The following CD36 variants were observed in gnomAD, a reference collection of about 807,000 sequenced individuals.
CD36 encodes the protein platelet glycoprotein 4.
In CD36, 119 loss-of-function variants were observed where a neutral mutation model predicts 55.2. That is an observed-to-expected ratio of 2.15 (90% CI 1.86 to 2.51). The LOEUF (loss-of-function observed/expected upper bound fraction) is 2.51. Among genes scored for constraint, CD36 ranks in the 30% most tolerant of loss-of-function variants. The pLI, the probability that CD36 is intolerant of heterozygous loss-of-function variation, is 0.00. For synonymous variants in CD36, 186 were observed against 193.6 expected, an observed-to-expected ratio of 0.96 and a Z score of 0.33; for missense variants, 819 against 555.5, an observed-to-expected ratio of 1.47 and a Z score of -4.77.
In CD36 at chr7:80,678,425, A is replaced by G. The variant is rs1186355649; in HGVS notation, c.*2042A>G. On this transcript the variant is annotated 3_prime_UTR_variant, in exon 15 of 15. Transcript: ENST00000447544. ...ACAGCATCGGAAAATAGGTTAATGC[A>G]TATTGCTTCTAACAAGTGCATGAAG... is the stretch of plus-strand genomic sequence containing the variant. 1 of 152,224 alleles carries G rather than the reference A, an allele frequency of 6.6e-6. No homozygotes were observed. Among genetic ancestry groups the G allele is most frequent in the Non-Finnish European group, 1.5e-5 (1 of 68,038 alleles). The allele number at this position is 152,224 out of a possible 1,614,324, so 9.4% of individuals were successfully genotyped here.
chr7:80,617,353 C>A (rs184367784), intron 1 of CD36, among the ~76,000 whole-genome samples: 1 of 151,746 alleles, frequency 6.6e-6, no homozygotes, highest in East Asian at 1.9e-4. Context: ...ATGTAACAAA[C>A]CTGCATGTGT....
chr7:80,625,561 T>C (rs1462937665), intron 1 of CD36, among the ~76,000 whole-genome samples: 3 of 152,128 alleles, frequency 2.0e-5, no homozygotes, highest in African/African-American at 4.8e-5. Flanking sequence ...TCTGTGCAAT[T>C]CTATTTGTCA....
intron 8 of CD36, among the ~76,000 whole-genome samples, chr7:80,669,059 G>A (rs1373842315): frequency 6.6e-6 from 1 of 152,096 alleles, no homozygotes; most frequent in Non-Finnish European, 1.5e-5. Flanking sequence ...CAGCCATTAG[G>A]ACAAATGAGA....
chr7:80,605,633 A>T (rs1249645487), intron 1 of CD36, among the ~76,000 whole-genome samples: 1 of 152,176 alleles, frequency 6.6e-6, no homozygotes, highest in Admixed American at 6.5e-5. Flanking sequence ...ACTTCACACA[A>T]CATAGGAAGC....
intron 4 of CD36, 127 bp from the exon 5 acceptor site, chr7:80,660,936 T>C (rs1796465465): frequency 2.6e-6 from 2 of 761,702 alleles, no homozygotes; most frequent in Admixed American, 2.0e-5. Flanking sequence ...TTTAACACCA[T>C]TGCTTACATA....
intron 1 of CD36, among the ~76,000 whole-genome samples, chr7:80,620,044 T>A (rs1300246577): frequency 1.3e-5 from 2 of 152,038 alleles, no homozygotes; most frequent in Middle Eastern, 3.2e-3. Context: ...TTAGATGAAA[T>A]CTCCTGGTGA....
chr7:80,607,392 A>T (rs1182950337), intron 1 of CD36, among the ~76,000 whole-genome samples: 1 of 152,154 alleles, frequency 6.6e-6, no homozygotes, highest in Non-Finnish European at 1.5e-5. Context: ...GCTCTGCCAA[A>T]GTTTACATTT....
At chr7:80,663,302 A>T (rs1228125721) in intron 6 of CD36, 133 bp downstream of exon 6, 2 of 763,614 alleles carry the variant, frequency 2.6e-6, no homozygotes, top group Non-Finnish European at 4.5e-6. Context: ...CTAACTTTTT[A>T]AAAAGTCCAC....
intron 1 of CD36, among the ~76,000 whole-genome samples, chr7:80,625,728 T>C (rs1793704689): frequency 6.6e-6 from 1 of 152,160 alleles, no homozygotes; most frequent in Non-Finnish European, 1.5e-5. Flanking sequence ...TGTATAGTAA[T>C]GCTACTAAAC....
At chr7:80,673,549 C>A in intron 13 of CD36, 140 bp downstream of exon 13, 2 of 662,886 alleles carry the variant, frequency 3.0e-6, no homozygotes, top group African/African-American at 3.6e-5. Flanking sequence ...TTTATTTAAC[C>A]TATTTGAGAT....
intron 1 of CD36, among the ~76,000 whole-genome samples, chr7:80,607,710 T>G (rs562922724): frequency 6.6e-6 from 1 of 152,286 alleles, no homozygotes; most frequent in East Asian, 1.9e-4. Flanking sequence ...TTCAGACCCA[T>G]GTATCTCCAT....
intron 7 of CD36, chr7:80,666,150 G>A: frequency 2.8e-6 from 1 of 362,328 alleles, no homozygotes; most frequent in Non-Finnish European, 5.2e-6. Flanking sequence ...CCCCTAAGTA[G>A]AGATCTAAGT....
intron 1 of CD36, among the ~76,000 whole-genome samples, chr7:80,608,981 C>T (rs1275299955): frequency 2.8e-5 from 4 of 142,264 alleles, no homozygotes; most frequent in Non-Finnish European, 6.0e-5. Context: ...TTTTGATAGG[C>T]GTCCTCTGGC....
At chr7:80,633,738 G>A (rs1363614295), upstream of CD36, among the ~76,000 whole-genome samples, 1 of 152,022 alleles carries the variant, frequency 6.6e-6, no homozygotes, top group East Asian at 1.9e-4. Flanking sequence ...GCATAAGTGT[G>A]TGTATGCCTA....
At chr7:80,671,238 A>T (rs972140208) in intron 10 of CD36, 74 bp downstream of exon 10, 1 of 979,810 alleles carries the variant, frequency 1.0e-6, no homozygotes, top group Non-Finnish European at 1.6e-6. Context: ...CTTTACCATA[A>T]TCCTTTAGCA....
At chr7:80,672,362 T>A (rs1246477084) in intron 11 of CD36, among the ~76,000 whole-genome samples, 1 of 151,868 alleles carries the variant, frequency 6.6e-6, no homozygotes, top group Non-Finnish European at 1.5e-5. Flanking sequence ...TTTAATCATC[T>A]TTATTTTTGT....
intron 1 of CD36, among the ~76,000 whole-genome samples, chr7:80,621,092 GT>G (rs1427583982): frequency 4.6e-5 from 7 of 152,132 alleles, no homozygotes; most frequent in Non-Finnish European, 7.4e-5. Context: ...AGATCAGTCA[GT>G]AGCCATCAAT....
chr7:80,605,916 A>C (rs933695725), intron 1 of CD36, among the ~76,000 whole-genome samples: 19 of 152,130 alleles, frequency 1.2e-4, no homozygotes, highest in Admixed American at 3.9e-4. Flanking sequence ...GGATAAGAGC[A>C]TTCCTTACAG....
chr7:80,671,108 T>TTATC lies in CD36; in HGVS notation c.952_955dup (p.Ser319TyrfsTer35), dbSNP rs901068904. On this transcript the variant is annotated frameshift_variant, in exon 10 of 15. Transcript: ENST00000447544. LOFTEE classifies it high-confidence loss of function. ...AACTATTGTTTCTGCACAGAAAAAA[T>TTATC]TATCTCAAAAAATTGTACATCATAT... 1.2e-6 allele frequency: 2 copies of TTATC among 1,613,256 alleles called. No individual in the cohort carries two copies. Among genetic ancestry groups the TTATC allele is most frequent in the African/African-American group, 2.7e-5 (2 of 74,876 alleles).
Sources: gnomAD v4.1 joint callset for allele counts (sites outside exome capture counted in the v4.1 genomes callset) on GRCh38, gnomAD v4.1.1 for gene constraint, MANE v1.5 for transcripts, NCBI Gene and HGNC (gene_info 2026-07-23, HGNC 2026-07-21) for gene names.